USP50: variants seen among roughly 807,000 people sequenced by gnomAD.
USP50 encodes the protein ubiquitin specific peptidase 50, also known as ubiquitin carboxyl-terminal hydrolase 50.
USP50 carries 37 observed loss-of-function variants against 39.2 expected under a neutral mutation model. The observed-to-expected ratio is 0.94, with a 90% CI of 0.73 to 1.24. The LOEUF (loss-of-function observed/expected upper bound fraction) is 1.24. USP50 is among the 50% of genes most tolerant of loss of function. USP50 has a pLI of 0.00. For synonymous variants in USP50, 139 were observed against 144.5 expected (o/e 0.96, Z 0.27); for missense variants, 374 against 398.2 (o/e 0.94, Z 0.52).
chr15:50,545,615 G>T (rs3109880), intron 1 of USP50, among the ~76,000 whole-genome samples: 4 of 150,958 alleles, frequency 2.6e-5, no homozygotes, highest in African/African-American at 9.7e-5. Flanking sequence ...CATAATATAT[G>T]CACATTAAGA....
At chr15:50,500,864 A>G (rs1250436060) in intron 6 of USP50, 27 bp from the exon 7 acceptor site, 7 of 1,549,898 alleles carry the variant, frequency 4.5e-6, no homozygotes, top group Non-Finnish European at 4.4e-6. Flanking sequence ...TGTCAAACTT[A>G]GTATTCACAT....
chr15:50,542,039 G>T (rs1481175257), intron 3 of USP50, among the ~76,000 whole-genome samples: 1 of 127,508 alleles, frequency 7.8e-6, no homozygotes, highest in Non-Finnish European at 1.7e-5. Flanking sequence ...TCTCTACAAG[G>T]TTAATTAAAA....
intron 4 of USP50, among the ~76,000 whole-genome samples, chr15:50,539,906 C>G (rs2053015377): frequency 6.6e-6 from 1 of 152,116 alleles, no homozygotes; most frequent in African/African-American, 2.4e-5. Flanking sequence ...GTTCTGCAAA[C>G]CATTAACTGG....
In USP50 at chr15:50,541,051, G is replaced by T. The variant is rs757821322; in HGVS notation, c.658C>A (p.Arg220=). The T allele has an allele frequency of 1.2e-6, 2 of 1,612,536 alleles. No homozygotes were observed. Among genetic ancestry groups the T allele is most frequent in the Admixed American group, 3.3e-5 (2 of 60,004 alleles). ...GTCCAGGAATACTGCATTCCTACCC[G>T]AAGGGAGCATTCATATTTGGATGGA... The part of the protein sequence containing the change: ...PIPSKYECSL[R]DCLQCFFQQD... The change falls in exon 4 of 7, where the codon CGG becomes AGG. Residue 220 remains arginine (R), a splice_region_variant and synonymous_variant. Coordinates refer to ENST00000532404, the MANE Select transcript of USP50 (RefSeq NM_203494.5).
At chr15:50,521,604 G>GT (rs1182634939) in intron 6 of USP50, among the ~76,000 whole-genome samples, 2 of 152,006 alleles carry the variant, frequency 1.3e-5, no homozygotes, top group Non-Finnish European at 2.9e-5. Flanking sequence ...ACTAAGAGTT[G>GT]TTTTTTTAAA....
chr15:50,496,349 T>C (rs1405213683), downstream of USP50, among the ~76,000 whole-genome samples: 2 of 151,878 alleles, frequency 1.3e-5, no homozygotes, highest in South Asian at 2.1e-4. Flanking sequence ...GGCGTGGTGG[T>C]GGGCACCTGT....
At chr15:50,493,675 G>A, downstream of USP50, 1 of 371,722 alleles carries the variant, frequency 2.7e-6, no homozygotes, top group South Asian at 2.0e-5. Context: ...AGCCCAGAAG[G>A]TCAAGGCTGC....
chr15:50,538,139 C>T (rs147089948), intron 5 of USP50, among the ~76,000 whole-genome samples: 3,218 of 148,988 alleles, frequency 0.022, 109 homozygotes, highest in African/African-American at 0.074. Context: ...TAGCTGGGTG[C>T]GGTGGCGTGC....
chr15:50,536,665 A>C (rs898867937), intron 5 of USP50, among the ~76,000 whole-genome samples: 3 of 152,150 alleles, frequency 2.0e-5, no homozygotes, highest in Non-Finnish European at 4.4e-5. Flanking sequence ...TTAATTTAAA[A>C]TGAATTAAAA....
intron 6 of USP50, 144 bp from the exon 7 acceptor site, chr15:50,500,981 A>G: frequency 1.5e-6 from 1 of 675,186 alleles, no homozygotes; most frequent in Admixed American, 2.4e-5. Context: ...TAAATCATGC[A>G]TATAGCCTGA....
At chr15:50,524,506 T>C (rs1319064191) in intron 6 of USP50, among the ~76,000 whole-genome samples, 1 of 152,162 alleles carries the variant, frequency 6.6e-6, no homozygotes, top group East Asian at 1.9e-4. Context: ...AGTGGGTTCA[T>C]GACAAAAATG....
At position 50,541,050 on chromosome 15, in the gene USP50, C is replaced by T. The variant is rs374065750; in HGVS notation, c.659G>A (p.Arg220Gln). 7.4e-5 allele frequency: 120 copies of T among 1,612,278 alleles called. No individual in the cohort carries two copies. Among genetic ancestry groups the T allele is most frequent in the Non-Finnish European group, 9.0e-5 (106 of 1,178,638 alleles). The change falls in exon 4 of 7, where the codon CGG becomes CAG. Residue 220 changes from arginine to glutamine, a missense_variant and splice_region_variant. Physicochemically the swap from Arg to Gln is conservative, Grantham distance 43 (BLOSUM62 1). Coordinates refer to ENST00000532404, the MANE Select transcript of USP50 (RefSeq NM_203494.5). ...TGTCCAGGAATACTGCATTCCTACC[C>T]GAAGGGAGCATTCATATTTGGATGG... ...PIPSKYECSL[R>Q]DCLQCFFQQD...
intron 5 of USP50, among the ~76,000 whole-genome samples, chr15:50,530,776 T>A (rs985330984): frequency 2.6e-5 from 4 of 152,070 alleles, no homozygotes; most frequent in African/African-American, 9.7e-5. Flanking sequence ...AAGAAAGGGA[T>A]AACCAAGGCT....
intron 5 of USP50, chr15:50,532,313 C>A: frequency 2.3e-6 from 1 of 436,822 alleles, no homozygotes; most frequent in Non-Finnish European, 4.6e-6. Context: ...AACTCATTAA[C>A]CAGAGCCTAA....
chr15:50,495,485 G>T (rs776281369), intron 1 of USP50, among the ~76,000 whole-genome samples: 2 of 98,736 alleles, frequency 2.0e-5, no homozygotes, highest in East Asian at 4.4e-4. Flanking sequence ...GTAGAGATTG[G>T]AGGGGGGGGT....
intron 5 of USP50, 23 bp downstream of exon 5, chr15:50,538,686 C>T: frequency 6.5e-7 from 1 of 1,546,080 alleles, no homozygotes; most frequent in Non-Finnish European, 8.7e-7. Context: ...AATATGTGCC[C>T]ACAAAAATGT....
chr15:50,508,289 G>A (rs1305431857), intron 6 of USP50: 1 of 152,084 alleles, frequency 6.6e-6, no homozygotes, highest in Non-Finnish European at 1.5e-5. Flanking sequence ...GGGATGCACT[G>A]ATGTCTGAGA....
chr15:50,503,852 G>C (rs895392186), intron 6 of USP50: 8 of 151,970 alleles, frequency 5.3e-5, no homozygotes, highest in Admixed American at 3.3e-4. Context: ...GAACATGCAA[G>C]GAAACAATTT....
intron 5 of USP50, among the ~76,000 whole-genome samples, chr15:50,538,273 C>CAAAAAAAAAAAAAAAAAAAAAAA (rs766139797): frequency 5.8e-5 from 1 of 17,314 alleles, no homozygotes; most frequent in East Asian, 2.1e-3. Context: ...GAGACTGTCT[C>CAAAAAAAAAAAAAAAAAAAAAAA]AAAAAAAAAA....
Sources: gnomAD v4.1 joint callset for allele counts (sites outside exome capture counted in the v4.1 genomes callset) on GRCh38, gnomAD v4.1.1 for gene constraint, MANE v1.5 for transcripts, NCBI Gene and HGNC (gene_info 2026-07-23, HGNC 2026-07-21) for gene names.